The following RUNX2 variants were observed in gnomAD, a reference collection of about 807,000 sequenced individuals.
RUNX2 encodes runt-related transcription factor 2.
A neutral mutation model predicts 51.7 loss-of-function variants in RUNX2; 10 were observed. That is an observed-to-expected ratio of 0.19 (90% CI 0.12 to 0.33). The LOEUF is 0.33. RUNX2 is among the 10% of genes least tolerant of loss of function. The probability of loss-of-function intolerance (pLI) is 1.00; values close to 1 mark genes in which losing one functional copy is unlikely to be tolerated. For missense variants in RUNX2, 562 were observed against 691.3 expected (o/e 0.81, Z 2.10); for synonymous variants, 276 against 273.6 (o/e 1.01, Z -0.09).
intron 5 of RUNX2, among the ~76,000 whole-genome samples, chr6:45,468,878 C>T (rs1218210232): frequency 6.6e-6 from 1 of 152,218 alleles, no homozygotes; most frequent in Non-Finnish European, 1.5e-5. Flanking sequence ...ATTTCCCAAA[C>T]TCCCAAGGAG....
intron 2 of RUNX2, among the ~76,000 whole-genome samples, chr6:45,362,261 T>C (rs971068850): frequency 1.3e-5 from 2 of 152,130 alleles, no homozygotes; most frequent in Non-Finnish European, 2.9e-5. Flanking sequence ...TCCCCAGAAA[T>C]GACACTACAA....
chr6:45,461,875 T>C (rs1799487352), intron 5 of RUNX2, among the ~76,000 whole-genome samples: 1 of 152,146 alleles, frequency 6.6e-6, no homozygotes, highest in African/African-American at 2.4e-5. Flanking sequence ...ATTAATTGGT[T>C]GCTGCAACTT....
chr6:45,401,557 T>C (rs537667402), intron 2 of RUNX2, among the ~76,000 whole-genome samples: 1 of 152,230 alleles, frequency 6.6e-6, no homozygotes, highest in Non-Finnish European at 1.5e-5. Flanking sequence ...AAAAGAGGTA[T>C]GATTTTTAAA....
In RUNX2 at chr6:45,422,847, A is replaced by T; in HGVS notation, c.313A>T (p.Ile105Phe). Reference protein sequence around the residue: ...PPHDNRTMVEIIADHPAELVR... With the variant: ...PPHDNRTMVEFIADHPAELVR... Reference sequence around the variant, plus strand: ...CCACGACAACCGCACCATGGTGGAGATCATCGCCGACCACCCGGCCGAACT... The same window carrying T: ...CCACGACAACCGCACCATGGTGGAGTTCATCGCCGACCACCCGGCCGAACT... The change falls in exon 3 of 9, where the codon ATC (isoleucine) becomes TTC (phenylalanine). Residue 105 changes from isoleucine to phenylalanine, a missense_variant. Transcript: ENST00000647337. 6.2e-7 allele frequency: 1 copy of T among 1,610,788 alleles called. No individual in the cohort carries two copies. Among genetic ancestry groups the T allele is most frequent in the Non-Finnish European group, 8.5e-7 (1 of 1,179,300 alleles).
Position 45,547,060 on chromosome 6 carries a change from A to G in RUNX2, c.1321A>G (p.Ser441Gly). The G allele has an allele frequency of 2.5e-6, 4 of 1,614,072 alleles. No homozygotes were observed. Among genetic ancestry groups the G allele is most frequent in the Non-Finnish European group, 3.4e-6 (4 of 1,180,016 alleles). ...CCAGAGTGGACCCTTCCAGACCAGC[A>G]GCACTCCATATCTCTACTATGGCAC... ...QSQSGPFQTSSTPYLYYGTSS... is the reference protein window; with the variant it reads ...QSQSGPFQTSGTPYLYYGTSS... Residue 441 changes from serine to glycine, a missense_variant, in exon 9 of 9, where the codon AGC becomes GGC. Coordinates refer to ENST00000647337, the MANE Select transcript of RUNX2 (RefSeq NM_001024630.4).
At chr6:45,486,700 C>T (rs1563107546) in intron 5 of RUNX2, among the ~76,000 whole-genome samples, 3 of 152,090 alleles carry the variant, frequency 2.0e-5, no homozygotes, top group South Asian at 2.1e-4. Flanking sequence ...CTTCAGGGTG[C>T]GCTGACTGGT....
In RUNX2 at chr6:45,415,006, G is replaced by T. The variant is rs1351837520; in HGVS notation, c.59-7587G>T. Among the ~76,000 whole-genome samples the T allele has an allele frequency of 2.6e-5, 4 of 151,714 alleles. No individual in the cohort carries two copies. The East Asian group carries it at 7.7e-4, about 29-fold the overall frequency. On this transcript the variant is annotated intron_variant, in intron 2 of 8. Coordinates refer to ENST00000647337, the MANE Select transcript of RUNX2 (RefSeq NM_001024630.4). Reference sequence around the variant, plus strand: ...TAAAATATATGTCCTCTAATTATAGGCTTATAATTAGGAAGAGATAAATCA... The same window carrying T: ...TAAAATATATGTCCTCTAATTATAGTCTTATAATTAGGAAGAGATAAATCA...
intron 2 of RUNX2, among the ~76,000 whole-genome samples, chr6:45,407,545 G>A (rs1797863783): frequency 6.6e-6 from 1 of 152,196 alleles, no homozygotes; most frequent in Admixed American, 6.5e-5. Flanking sequence ...AGGCTGGAGT[G>A]CAGTAGTGTG....
chr6:45,484,560 T>G (rs1472356288), intron 5 of RUNX2, among the ~76,000 whole-genome samples: 2 of 152,194 alleles, frequency 1.3e-5, no homozygotes, highest in African/African-American at 4.8e-5. Flanking sequence ...AGTTTTTAAA[T>G]TTAGAGCCTC....
intron 2 of RUNX2, among the ~76,000 whole-genome samples, chr6:45,396,950 G>A (rs1165734424): frequency 2.0e-5 from 3 of 152,114 alleles, no homozygotes; most frequent in Admixed American, 6.5e-5. Flanking sequence ...TGGCTATTAT[G>A]AATAATGCTG....
intron 6 of RUNX2, among the ~76,000 whole-genome samples, chr6:45,506,605 T>A (rs1800975031): frequency 6.6e-6 from 1 of 152,172 alleles, no homozygotes; most frequent in African/African-American, 2.4e-5. Flanking sequence ...ATAAAAAGAA[T>A]GAATTATAGT....
chr6:45,467,029 C>T (rs545161647), intron 5 of RUNX2, among the ~76,000 whole-genome samples: 1 of 152,178 alleles, frequency 6.6e-6, no homozygotes, highest in Non-Finnish European at 1.5e-5. Context: ...TCATTGCCTA[C>T]TCACGCTGAG....
chr6:45,542,144 C>T (rs1802249965), intron 7 of RUNX2, among the ~76,000 whole-genome samples: 1 of 152,136 alleles, frequency 6.6e-6, no homozygotes, highest in African/African-American at 2.4e-5. Context: ...GAAGATCAGA[C>T]ATTCTGTTTG....
At chr6:45,331,028 AAAAG>A (rs1001548520) in intron 2 of RUNX2, among the ~76,000 whole-genome samples, 2 of 152,036 alleles carry the variant, frequency 1.3e-5, no homozygotes, top group African/African-American at 4.8e-5. Flanking sequence ...AAAATAGTTA[AAAAG>A]AAAGTTTAGG....
chr6:45,533,936 C>T (rs1218268109), intron 7 of RUNX2, among the ~76,000 whole-genome samples: 1 of 139,582 alleles, frequency 7.2e-6, no homozygotes, highest in Non-Finnish European at 1.5e-5. Flanking sequence ...GCTCTGTCAT[C>T]CAGGCTGGAG....
chr6:45,449,864 T>A (rs1305128562), intron 5 of RUNX2, among the ~76,000 whole-genome samples: 1 of 152,114 alleles, frequency 6.6e-6, no homozygotes, highest in East Asian at 1.9e-4. Context: ...TTAAAAAAAA[T>A]TAACTTTAAA....
intron 2 of RUNX2, among the ~76,000 whole-genome samples, chr6:45,387,934 A>G (rs193069047): frequency 6.6e-6 from 1 of 152,350 alleles, no homozygotes; most frequent in East Asian, 1.9e-4. Context: ...TGACTTGGAA[A>G]GTCCTATAAG....
At chr6:45,384,819 G>A (rs1404023789) in intron 2 of RUNX2, among the ~76,000 whole-genome samples, 2 of 144,046 alleles carry the variant, frequency 1.4e-5, no homozygotes, top group Non-Finnish European at 3.0e-5. Flanking sequence ...CGGGGCTCAA[G>A]CAGTCCTCCC....
intron 2 of RUNX2, among the ~76,000 whole-genome samples, chr6:45,343,959 T>G (rs1320769934): frequency 6.6e-6 from 1 of 152,224 alleles, no homozygotes; most frequent in Non-Finnish European, 1.5e-5. Context: ...TATTCTATAC[T>G]AGTTGTTTAC....
Sources: gnomAD v4.1 joint callset for allele counts (sites outside exome capture counted in the v4.1 genomes callset) on GRCh38, gnomAD v4.1.1 for gene constraint, MANE v1.5 for transcripts, NCBI Gene and HGNC (gene_info 2026-07-23, HGNC 2026-07-21) for gene names.